USP38: variants seen among roughly 807,000 people sequenced by gnomAD.
USP38 encodes the protein ubiquitin carboxyl-terminal hydrolase 38.
Under a neutral mutation model 94.3 loss-of-function variants are expected in USP38, and 49 were observed. The ratio of observed to expected loss-of-function variants is 0.52; its 90% CI spans 0.41 to 0.66. The LOEUF (loss-of-function observed/expected upper bound fraction) is 0.66. USP38 is among the 30% of genes least tolerant of loss of function. USP38 has a pLI of 0.00. For synonymous variants in USP38, 468 were observed against 463.6 expected, an observed-to-expected ratio of 1.01 and a Z score of -0.12; for missense variants, 1,128 against 1,229.4, an observed-to-expected ratio of 0.92 and a Z score of 1.23.
Position 143,222,747 on chromosome 4 carries a change from T to C in USP38, c.*2291T>C, listed in dbSNP as rs1446032815. 6.6e-6 allele frequency: 1 copy of C among 152,096 alleles called. No homozygotes were observed. Among genetic ancestry groups the C allele is most frequent in the Non-Finnish European group, 1.5e-5 (1 of 67,964 alleles). 9.4% of individuals were successfully genotyped at this position (152,096 alleles called of 1,614,324 possible). A position where few individuals can be genotyped will look rare whatever the true frequency, so the allele number is the denominator to read the frequency against. ...GGAACCAGAATAATCAGAAACTTCA[T>C]TCAAAACCTATGCATCTGAACTTTT... On this transcript the variant is annotated 3_prime_UTR_variant, in exon 10 of 10. Transcript: ENST00000307017.
Position 143,186,131 on chromosome 4 carries a change from A to C in USP38, c.681A>C (p.Thr227=), listed in dbSNP as rs1314226878. 13 of 1,613,550 alleles carry C rather than the reference A, an allele frequency of 8.1e-6. No individual in the cohort carries two copies. Among genetic ancestry groups the C allele is most frequent in the Non-Finnish European group, 1.1e-5 (13 of 1,179,618 alleles). ...AAGTTTTTGCAAGCATCTCTTCCAC[A>C]GGTAAGGGTCATTATCTTTCAGAAT... is the stretch of plus-strand genomic sequence containing the variant. ...LQEVFASISS[T]DASFEPSVAL... The change falls in exon 1 of 10, where the codon ACA becomes ACC. Residue 227 remains threonine, a splice_region_variant and synonymous_variant. Transcript: ENST00000307017.
chr4:143,192,653 G>A (rs1731432098), intron 2 of USP38, among the ~76,000 whole-genome samples: 1 of 149,418 alleles, frequency 6.7e-6, no homozygotes, highest in Non-Finnish European at 1.5e-5. Context: ...TCACTTGGCA[G>A]AAAGAGCAGG....
intron 4 of USP38, among the ~76,000 whole-genome samples, chr4:143,202,700 TAAC>T (rs1183628603): frequency 2.0e-5 from 3 of 152,154 alleles, no homozygotes; most frequent in Non-Finnish European, 2.9e-5. Flanking sequence ...TGATCAATAT[TAAC>T]AATATTCTAT....
chr4:143,198,613 T>TATA (rs1309383611), intron 4 of USP38, among the ~76,000 whole-genome samples: 8 of 152,300 alleles, frequency 5.3e-5, no homozygotes, highest in African/African-American at 1.7e-4. Flanking sequence ...TAACAAACTT[T>TATA]AGAGGAGACT....
chr4:143,212,501 C>G (rs950158736), intron 8 of USP38, 77 bp downstream of exon 8: 1 of 829,898 alleles, frequency 1.2e-6, no homozygotes, highest in South Asian at 2.5e-5. Context: ...TTGCTTTTAC[C>G]TTTAAAAACA....
intron 2 of USP38, among the ~76,000 whole-genome samples, chr4:143,191,747 A>C (rs1731402856): frequency 6.6e-6 from 1 of 152,236 alleles, no homozygotes; most frequent in Admixed American, 6.5e-5. Context: ...CTCACAGTCT[A>C]ATGGAGACAG....
chr4:143,213,124 CTTAA>C (rs1172528192), intron 8 of USP38, among the ~76,000 whole-genome samples: 1 of 151,820 alleles, frequency 6.6e-6, no homozygotes, highest in Non-Finnish European at 1.5e-5. Flanking sequence ...CGCCTGACCA[CTTAA>C]TTAATAAAAC....
At chr4:143,187,691 A>G (rs1731268582) in intron 1 of USP38, 135 bp from the exon 2 acceptor site, 2 of 876,116 alleles carry the variant, frequency 2.3e-6, no homozygotes, top group African/African-American at 1.7e-5. Context: ...GAGTCTACCC[A>G]TGAGGGTGTA....
chr4:143,208,921 G>T lies in USP38; in HGVS notation c.1404-643G>T, dbSNP rs534515763. Among the ~76,000 whole-genome samples, 7 of 147,298 alleles carry T rather than the reference G, an allele frequency of 4.8e-5. 1 individual carries two copies. Among genetic ancestry groups the T allele is most frequent in the African/African-American group, 1.7e-4 (7 of 40,454 alleles). ...TTAGTCCTGTGGTATCTGTATTGGT[G>T]TATAATCTTATGTAACTTCATTTTT... On this transcript the variant is annotated intron_variant, in intron 6 of 9. Coordinates refer to ENST00000307017, the MANE Select transcript of USP38 (RefSeq NM_032557.6).
chr4:143,190,114 G>A (rs78424664), intron 2 of USP38, among the ~76,000 whole-genome samples: 182 of 152,164 alleles, frequency 1.2e-3, no homozygotes, highest in African/African-American at 4.2e-3. Flanking sequence ...CAGTGTGACT[G>A]TAACAGCACT....
At chr4:143,195,928 A>G (rs1354096835) in intron 3 of USP38, 83 bp downstream of exon 3, 3 of 1,278,056 alleles carry the variant, frequency 2.3e-6, no homozygotes, top group East Asian at 2.6e-5. Context: ...CCTTGAAAGC[A>G]TCTAATTTTG....
At chr4:143,190,149 A>C (rs1731354155) in intron 2 of USP38, among the ~76,000 whole-genome samples, 1 of 152,086 alleles carries the variant, frequency 6.6e-6, no homozygotes, top group East Asian at 1.9e-4. Flanking sequence ...TTTGGGATGA[A>C]TGTATTATAA....
rs541916270 is a variant in USP38, at chr4:143,192,988, G to A, written c.819-2728G>A. On this transcript the variant is annotated intron_variant, in intron 2 of 9. Coordinates refer to ENST00000307017, the MANE Select transcript of USP38 (RefSeq NM_032557.6). ...GTGGAATTTTCTACTCTCTGCTCTC[G>A]TCCTCTCTCAGTACTCTCTTTAGAC... Among the ~76,000 whole-genome samples the A allele has an allele frequency of 4.6e-5, 7 of 152,156 alleles. No individual in the cohort carries two copies. In the South Asian group the frequency reaches 1.0e-3, roughly 23 times the overall value.
At chr4:143,197,470 T>C (rs1374081444) in intron 3 of USP38, among the ~76,000 whole-genome samples, 1 of 152,224 alleles carries the variant, frequency 6.6e-6, no homozygotes, top group Non-Finnish European at 1.5e-5. Context: ...TCCACTGTTG[T>C]AGCACTAGTT....
At chr4:143,207,996 A>G (rs1731918128) in intron 6 of USP38, among the ~76,000 whole-genome samples, 1 of 152,186 alleles carries the variant, frequency 6.6e-6, no homozygotes, top group Non-Finnish European at 1.5e-5. Context: ...GTAATTTGTT[A>G]ACAGTTACGT....
At chr4:143,204,440 A>T in intron 5 of USP38, 1 of 451,162 alleles carries the variant, frequency 2.2e-6, no homozygotes, top group Non-Finnish European at 4.4e-6. Flanking sequence ...CCCAGGCTGA[A>T]GTGCAATGGC....
At chr4:143,209,774 G>T in intron 7 of USP38, 117 bp downstream of exon 7, 1 of 598,992 alleles carries the variant, frequency 1.7e-6, no homozygotes, top group South Asian at 2.3e-5. Flanking sequence ...ATCTCACCCA[G>T]TATAACAAAT....
chr4:143,213,488 TTAGAA>T, intron 8 of USP38, 88 bp from the exon 9 acceptor site: 1 of 1,260,510 alleles, frequency 7.9e-7, no homozygotes, highest in Non-Finnish European at 1.1e-6. Flanking sequence ...TTAAATTTGA[TTAGAA>T]TAGTTTATAG....
At chr4:143,208,260 A>C (rs944426801) in intron 6 of USP38, among the ~76,000 whole-genome samples, 1 of 152,102 alleles carries the variant, frequency 6.6e-6, no homozygotes, top group African/African-American at 2.4e-5. Context: ...AAATAAGTTA[A>C]ATTAGTATTT....
Sources: gnomAD v4.1 joint callset for allele counts (sites outside exome capture counted in the v4.1 genomes callset) on GRCh38, gnomAD v4.1.1 for gene constraint, MANE v1.5 for transcripts, NCBI Gene and HGNC (gene_info 2026-07-23, HGNC 2026-07-21) for gene names.